The following SLC9A1 variants were observed in gnomAD, a reference collection of about 807,000 sequenced individuals.
SLC9A1 encodes solute carrier family 9 member A1, also known as sodium/hydrogen exchanger 1.
SLC9A1 carries 22 observed loss-of-function variants against 67.9 expected under a neutral mutation model. The observed-to-expected ratio is 0.32, with a 90% CI of 0.23 to 0.46. SLC9A1 has a LOEUF of 0.46. Ranked by LOEUF, SLC9A1 falls within the 20% of genes least tolerant of loss-of-function variation. The probability of loss-of-function intolerance (pLI) is 1.00; values close to 1 mark genes in which losing one functional copy is unlikely to be tolerated. For missense variants in SLC9A1, 686 were observed against 1,094.8 expected, an observed-to-expected ratio of 0.63 and a Z score of 5.27; for synonymous variants, 421 against 471.8, an observed-to-expected ratio of 0.89 and a Z score of 1.40.
At chr1:27,140,204 C>T (rs1485145464) in intron 1 of SLC9A1, among the ~76,000 whole-genome samples, 1 of 152,092 alleles carries the variant, frequency 6.6e-6, no homozygotes, top group African/African-American at 2.4e-5. Flanking sequence ...CAGGCTCCTG[C>T]TGCAGCACTT....
At chr1:27,149,100 C>T (rs1416052708) in intron 1 of SLC9A1, among the ~76,000 whole-genome samples, 1 of 152,204 alleles carries the variant, frequency 6.6e-6, no homozygotes, top group African/African-American at 2.4e-5. Flanking sequence ...ACACAGAACA[C>T]CTACAGCTTT....
rs750956342 is a variant in SLC9A1, at chr1:27,154,165, A to G, written c.170T>C (p.Ile57Thr). 5 of 1,614,024 alleles carry G rather than the reference A, an allele frequency of 3.1e-6. No homozygotes were observed. The highest frequency in any genetic ancestry group is 2.2e-5 in the South Asian group (2 of 91,082). Residue 57 changes from isoleucine to threonine, a missense_variant, in exon 1 of 12, where the codon ATT becomes ACT. Physicochemically the swap from Ile to Thr is moderately conservative, Grantham distance 89 (BLOSUM62 -1). This residue lies in a region of SLC9A1 where 143 missense variants were observed against 166.7 expected (regional missense o/e 0.86). Coordinates refer to ENST00000263980, the MANE Select transcript of SLC9A1 (RefSeq NM_003047.5). ...RSSEPPRERS[I>T]GDVTTAPPEV... ...CGGTGGAGCGGTGGTGACATCCCCA[A>G]TCGAGCGTTCTCGTGGTGGCTCTGA...
At chr1:27,141,715 A>T (rs1234833883) in intron 1 of SLC9A1, among the ~76,000 whole-genome samples, 1 of 152,158 alleles carries the variant, frequency 6.6e-6, no homozygotes, top group Non-Finnish European at 1.5e-5. Flanking sequence ...TCAGTCAGGG[A>T]AGCGGGTGGG....
At position 27,114,885 on chromosome 1, in the gene SLC9A1, G is replaced by T. The variant is rs1317701955; in HGVS notation, c.353-599C>A. Among the ~76,000 whole-genome samples, 1 of 152,146 alleles carries T rather than the reference G, an allele frequency of 6.6e-6. No individual in the cohort carries two copies. The highest frequency in any genetic ancestry group is 1.5e-5 in the Non-Finnish European group (1 of 68,030). ...TGGGAAGGAACTTGGGGATAATAAG[G>T]CCTGGGGTCTGCAAACCTGCAAAAC... is the stretch of plus-strand genomic sequence containing the variant. On this transcript the variant is annotated intron_variant, in intron 1 of 11. Coordinates refer to ENST00000263980, the MANE Select transcript of SLC9A1 (RefSeq NM_003047.5). This position sits in a 1 kb window ranked among gnomAD's most constrained non-coding sequence, Gnocchi z 5.4.
At chr1:27,123,802 C>T (rs1041952340) in intron 1 of SLC9A1, among the ~76,000 whole-genome samples, 1 of 151,698 alleles carries the variant, frequency 6.6e-6, no homozygotes, top group Non-Finnish European at 1.5e-5. Flanking sequence ...TGAGCCACCG[C>T]GCCCAGCCCT....
At chr1:27,153,788 C>G (rs1367544474) in intron 1 of SLC9A1, among the ~76,000 whole-genome samples, 195 bp downstream of exon 1, 5 of 152,176 alleles carry the variant, frequency 3.3e-5, no homozygotes, top group African/African-American at 1.2e-4. Context: ...TGGCTCCAAT[C>G]TTGGGAAGCC....
At chr1:27,131,951 T>A (rs199840601) in intron 1 of SLC9A1, among the ~76,000 whole-genome samples, 14,887 of 34,416 alleles carry the variant, frequency 0.43, 1,823 homozygotes, top group African/African-American at 0.54. Context: ...AAAAAAAATA[T>A]ATATATATAT....
intron 1 of SLC9A1, among the ~76,000 whole-genome samples, chr1:27,150,045 G>A (rs952053067): frequency 2.6e-5 from 4 of 152,158 alleles, no homozygotes; most frequent in Non-Finnish European, 4.4e-5. Flanking sequence ...AAAGGTCATC[G>A]CTTCCTTTTT....
rs139314838 is a variant in SLC9A1 at position 27,102,130 on chromosome 1, C to T, written c.1821G>A (p.Gln607=). Residue 607 remains glutamine, a splice_region_variant and synonymous_variant, in exon 9 of 12, where the codon CAG becomes CAA. Coordinates refer to ENST00000263980, the MANE Select transcript of SLC9A1 (RefSeq NM_003047.5). ...IPSAVSTVSM[Q]NIHPKSLPSE... Reference sequence around the variant, plus strand: ...AAGGCAGGGACTTGGGGTGGATGTTCCTGGGGCAATAGGGCATCGGTTAGG... The same window carrying T: ...AAGGCAGGGACTTGGGGTGGATGTTTCTGGGGCAATAGGGCATCGGTTAGG... 6.1e-4 allele frequency: 991 copies of T among 1,611,814 alleles called. 23 individuals carry two copies. In the East Asian group the frequency reaches 8.1e-3, roughly 13 times the overall value.
chr1:27,148,861 G>A (rs998044972), intron 1 of SLC9A1, among the ~76,000 whole-genome samples: 60 of 152,098 alleles, frequency 3.9e-4, no homozygotes, highest in African/African-American at 1.3e-3. Context: ...GCTCAGAGGC[G>A]GGAGGTCATA....
rs2083557457 is a variant in SLC9A1 at position 27,155,043 on chromosome 1, G to C, written c.-709C>G. On this transcript the variant is annotated 5_prime_UTR_variant, in exon 1 of 12. Coordinates refer to ENST00000263980, the MANE Select transcript of SLC9A1 (RefSeq NM_003047.5). The surrounding 1 kb of genome is among the most constrained non-coding windows in gnomAD (Gnocchi z 4.5). Reference sequence around the variant, plus strand: ...CCTCCTCGCGGCCCTGGCGCGACGCGGCGCTCCGCCCCGGCCCAGCTGCAG... The same window carrying C: ...CCTCCTCGCGGCCCTGGCGCGACGCCGCGCTCCGCCCCGGCCCAGCTGCAG... 6.6e-6 allele frequency: 1 copy of C among 152,346 alleles called. No homozygotes were observed. The highest frequency in any genetic ancestry group is 1.5e-5 in the Non-Finnish European group (1 of 68,296). 9.4% of individuals were successfully genotyped at this position (152,346 alleles called of 1,614,324 possible). A position where few individuals can be genotyped will look rare whatever the true frequency, so the allele number is the denominator to read the frequency against.
Position 27,107,782 on chromosome 1 carries a change from AG to A in SLC9A1, c.1147del (p.Leu383Ter), listed in dbSNP as rs1557739376. 6.2e-7 allele frequency: 1 copy of A among 1,608,796 alleles called. No individual in the cohort carries two copies. Among genetic ancestry groups the A allele is most frequent in the Non-Finnish European group, 8.5e-7 (1 of 1,178,210 alleles). On this transcript the variant is annotated frameshift_variant, in exon 4 of 12. Transcript: ENST00000263980. LOFTEE classifies it high-confidence loss of function. The stretch of plus-strand genomic sequence containing the variant: ...CTCGCTGACGCTGCTCCACATCTTC[AG>A]GAAGTATTTGATGGTGGTGTGGGAC... ...HKSHTTIKYFLKMWSSVSETL... is the reference protein window; with the variant it reads ...HKSHTTIKYFXKMWSSVSETL...
intron 1 of SLC9A1, among the ~76,000 whole-genome samples, chr1:27,122,422 C>T (rs2083310312): frequency 6.6e-6 from 1 of 152,068 alleles, no homozygotes; most frequent in Non-Finnish European, 1.5e-5. Flanking sequence ...GAGAGGGGAC[C>T]TCAAAAGCCT....
At chr1:27,108,367 A>G (rs1250103932) in intron 3 of SLC9A1, among the ~76,000 whole-genome samples, 3 of 117,276 alleles carry the variant, frequency 2.6e-5, no homozygotes, top group Non-Finnish European at 5.2e-5. Flanking sequence ...GCCCGGCCCT[A>G]TTCCTCCATT....
chr1:27,112,540 C>T (rs567155559), intron 2 of SLC9A1, among the ~76,000 whole-genome samples: 8 of 152,304 alleles, frequency 5.3e-5, no homozygotes, highest in Middle Eastern at 3.4e-3. Context: ...GGTGCTACCA[C>T]GTGCAGACCC....
intron 6 of SLC9A1, 125 bp from the exon 7 acceptor site, chr1:27,102,868 C>A: frequency 1.2e-6 from 1 of 858,758 alleles, no homozygotes; most frequent in African/African-American, 1.7e-5. Context: ...GTTCCATGAG[C>A]AGCCAGGAGG....
chr1:27,136,158 C>G (rs1014983330), intron 1 of SLC9A1, among the ~76,000 whole-genome samples: 6 of 152,224 alleles, frequency 3.9e-5, no homozygotes, highest in Non-Finnish European at 8.8e-5. Flanking sequence ...ACCCCCTTAT[C>G]CTCAGCGCTA....
chr1:27,124,417 A>T (rs558231740), intron 1 of SLC9A1, among the ~76,000 whole-genome samples: 1 of 152,346 alleles, frequency 6.6e-6, no homozygotes, highest in East Asian at 1.9e-4. Flanking sequence ...TAAATTCATT[A>T]TATATAACTT....
At position 27,105,872 on chromosome 1, in the gene SLC9A1, C is replaced by T. The variant is rs920077569; in HGVS notation, c.1485+13G>A. On this transcript the variant is annotated intron_variant, in intron 5 of 11. Transcript: ENST00000263980. The stretch of plus-strand genomic sequence containing the variant: ...TCCCCAAGGCAAGGGCCTGCCCTGC[C>T]CTGGCCCAGCACCTGCACAAAGACG... 5 of 1,611,782 alleles carry T rather than the reference C, an allele frequency of 3.1e-6. No individual in the cohort carries two copies. Among genetic ancestry groups the T allele is most frequent in the Non-Finnish European group, 4.2e-6 (5 of 1,178,874 alleles).
Sources: gnomAD v4.1 joint callset for allele counts (sites outside exome capture counted in the v4.1 genomes callset) on GRCh38, gnomAD v4.1.1 for gene constraint, gnomAD v4.1.1 regional missense constraint, Gnocchi (gnomAD v3.1) non-coding constraint, MANE v1.5 for transcripts, NCBI Gene and HGNC (gene_info 2026-07-23, HGNC 2026-07-21) for gene names.